LARGE1: variants seen among roughly 807,000 people sequenced by gnomAD.
LARGE1 encodes xylosyl- and glucuronyltransferase LARGE1.
LARGE1 carries 43 observed loss-of-function variants against 87.6 expected under a neutral mutation model. The observed-to-expected ratio is 0.49, with a 90% CI of 0.38 to 0.63. The LOEUF is 0.63. LARGE1 is among the 30% of genes least tolerant of loss of function. LARGE1 has a pLI of 0.00. For synonymous variants in LARGE1, 434 were observed against 394.6 expected (o/e 1.10, Z -1.18); for missense variants, 802 against 1,000.2 (o/e 0.80, Z 2.67).
intron 5 of LARGE1, among the ~76,000 whole-genome samples, chr22:33,599,776 G>A (rs970470346): frequency 1.8e-4 from 28 of 152,190 alleles, no homozygotes; most frequent in African/African-American, 6.5e-4. Flanking sequence ...CTGTATCAAG[G>A]GAGGCCGTCA....
intron 4 of LARGE1, among the ~76,000 whole-genome samples, chr22:33,610,218 T>C (rs1229421780): frequency 2.0e-5 from 3 of 152,154 alleles, no homozygotes; most frequent in Admixed American, 1.3e-4. Context: ...CTGGGTAACA[T>C]ACAGGGGCTA....
chr22:33,365,248 C>G (rs991529717), intron 9 of LARGE1, among the ~76,000 whole-genome samples: 3 of 152,008 alleles, frequency 2.0e-5, no homozygotes, highest in South Asian at 2.1e-4. Flanking sequence ...CTATTACATC[C>G]AAGACCCAGA....
intron 11 of LARGE1, among the ~76,000 whole-genome samples, chr22:33,234,588 C>T (rs1415357913): frequency 1.3e-5 from 2 of 152,276 alleles, no homozygotes; most frequent in East Asian, 3.9e-4. Flanking sequence ...GCTGCCCAGG[C>T]TGGAGTGTAG....
rs1399801523 is a variant in LARGE1 at position 33,465,000 on chromosome 22, C to T, written c.788-32735G>A. Among the ~76,000 whole-genome samples the T allele has an allele frequency of 5.3e-5, 8 of 152,170 alleles. No individual in the cohort carries two copies. In the East Asian group the frequency reaches 1.5e-3, roughly 29 times the overall value. On this transcript the variant is annotated intron_variant, in intron 6 of 14. Coordinates refer to ENST00000397394, the MANE Select transcript of LARGE1 (RefSeq NM_133642.5). ...TCCTACATGTAACCTCTCAGGAAAACCCTAGGAGATACATAAATAGTACTC... is the reference window on the plus strand; with the variant it reads ...TCCTACATGTAACCTCTCAGGAAAATCCTAGGAGATACATAAATAGTACTC...
chr22:33,154,253 G>T, the LARGE1 span, among the ~76,000 whole-genome samples: 8 of 151,118 alleles, frequency 5.3e-5, no homozygotes, highest in Admixed American at 5.3e-4. Flanking sequence ...TGTTGTTATT[G>T]TTTTTGAGAC....
the LARGE1 span, among the ~76,000 whole-genome samples, chr22:33,149,202 A>C: frequency 8.3e-6 from 1 of 120,020 alleles, no homozygotes; most frequent in Non-Finnish European, 1.9e-5. Context: ...ATGCCCGGCT[A>C]ATTATTTTTT....
intron 1 of LARGE1, among the ~76,000 whole-genome samples, chr22:33,891,105 C>T (rs1172174235): frequency 1.3e-5 from 2 of 152,096 alleles, no homozygotes; most frequent in East Asian, 3.9e-4. Flanking sequence ...ACAGGCAGGC[C>T]CCTTGCTTCC....
chr22:33,722,768 G>A (rs2083147080), intron 2 of LARGE1, among the ~76,000 whole-genome samples: 1 of 152,160 alleles, frequency 6.6e-6, no homozygotes, highest in Non-Finnish European at 1.5e-5. Context: ...GGTGAGGTAG[G>A]TCTAGGAAGA....
chr22:33,858,272 G>A (rs747387040), intron 1 of LARGE1, among the ~76,000 whole-genome samples: 34 of 152,278 alleles, frequency 2.2e-4, no homozygotes, highest in Admixed American at 3.9e-4. Context: ...GGAAGTCAGC[G>A]GCAGGTCTGT....
intron 7 of LARGE1, among the ~76,000 whole-genome samples, chr22:33,428,497 T>C (rs1300096980): frequency 6.6e-6 from 1 of 151,266 alleles, no homozygotes; most frequent in Non-Finnish European, 1.5e-5. Flanking sequence ...GTATTTTTAG[T>C]AGAGATGGGG....
At chr22:33,903,617 G>A (rs1056214582) in intron 1 of LARGE1, among the ~76,000 whole-genome samples, 4 of 152,150 alleles carry the variant, frequency 2.6e-5, no homozygotes, top group Non-Finnish European at 5.9e-5. Context: ...ACGAGGTCAA[G>A]AGATCGAGAC....
At chr22:33,682,790 G>A (rs1290835998) in intron 2 of LARGE1, among the ~76,000 whole-genome samples, 1 of 152,152 alleles carries the variant, frequency 6.6e-6, no homozygotes, top group Non-Finnish European at 1.5e-5. Flanking sequence ...ACTCTGCTGT[G>A]AGCTTGCTGC....
chr22:33,541,340 G>A (rs1180942270), intron 6 of LARGE1, among the ~76,000 whole-genome samples: 2 of 152,070 alleles, frequency 1.3e-5, no homozygotes, highest in Non-Finnish European at 2.9e-5. Flanking sequence ...AAATGGTTGT[G>A]ATGCAAAGTT....
chr22:33,376,651 A>C (rs1655468192), intron 9 of LARGE1, among the ~76,000 whole-genome samples: 1 of 152,180 alleles, frequency 6.6e-6, no homozygotes, highest in African/African-American at 2.4e-5. Context: ...TTGTTTATTC[A>C]ATTGGCTGTC....
chr22:33,874,238 CA>C (rs777759359), intron 1 of LARGE1, among the ~76,000 whole-genome samples: 12 of 152,244 alleles, frequency 7.9e-5, no homozygotes, highest in Admixed American at 2.6e-4. Context: ...TACAGCAGGC[CA>C]GGACCACAGG....
At chr22:33,618,227 T>C (rs1355479219) in intron 4 of LARGE1, among the ~76,000 whole-genome samples, 2 of 152,140 alleles carry the variant, frequency 1.3e-5, no homozygotes, top group Non-Finnish European at 2.9e-5. Context: ...TATGGGAAGA[T>C]TCAAGGACAA....
chr22:33,359,871 T>G (rs1286325939), intron 9 of LARGE1, among the ~76,000 whole-genome samples: 2 of 149,520 alleles, frequency 1.3e-5, no homozygotes, highest in Non-Finnish European at 3.0e-5. Flanking sequence ...GCCAGCAGAC[T>G]CATCTTAACG....
chr22:33,528,990 C>T (rs939494850), intron 6 of LARGE1, among the ~76,000 whole-genome samples: 4 of 152,082 alleles, frequency 2.6e-5, no homozygotes, highest in African/African-American at 9.7e-5. Flanking sequence ...TCATCAGCCT[C>T]ATCTTTTATA....
intron 9 of LARGE1, among the ~76,000 whole-genome samples, chr22:33,341,819 G>A (rs1338631344): frequency 1.3e-5 from 2 of 152,204 alleles, no homozygotes; most frequent in East Asian, 3.9e-4. Flanking sequence ...GTAGGTAAGA[G>A]GGTTAAACAA....
Sources: allele counts gnomAD v4.1 joint callset (sites outside exome capture counted in the v4.1 genomes callset), GRCh38; gene constraint gnomAD v4.1.1; transcripts MANE v1.5; gene names NCBI Gene and HGNC (gene_info 2026-07-23, HGNC 2026-07-21).